The following HEG1 variants were observed in gnomAD, a reference collection of about 807,000 sequenced individuals.
The protein encoded by HEG1 is heart development protein with EGF like domains 1, also known as protein HEG homolog 1.
HEG1 carries 56 observed loss-of-function variants against 125.6 expected under a neutral mutation model. That is an observed-to-expected ratio of 0.45 (90% CI 0.36 to 0.56). HEG1 has a LOEUF of 0.56. Among genes scored for constraint, HEG1 ranks in the 20% least tolerant of loss-of-function variants. HEG1 has a pLI of 0.00. For synonymous variants in HEG1, 644 were observed against 668.5 expected, an observed-to-expected ratio of 0.96 and a Z score of 0.57; for missense variants, 1,523 against 1,670.0, an observed-to-expected ratio of 0.91 and a Z score of 1.53.
intron 3 of HEG1, among the ~76,000 whole-genome samples, chr3:125,023,232 A>G (rs920579983): frequency 2.9e-4 from 33 of 113,286 alleles, no homozygotes; most frequent in South Asian, 6.6e-4. Context: ...AACAAAACAA[A>G]CAAACCAAAA....
intron 3 of HEG1, among the ~76,000 whole-genome samples, chr3:125,023,238 C>A (rs749880391): frequency 8.6e-5 from 13 of 151,586 alleles, no homozygotes; most frequent in South Asian, 4.2e-4. Flanking sequence ...ACAAACAAAC[C>A]AAAAAAACTC....
intron 11 of HEG1, among the ~76,000 whole-genome samples, chr3:125,001,234 C>CT (rs200974260): frequency 4.8e-4 from 69 of 144,498 alleles, no homozygotes; most frequent in East Asian, 3.2e-3. Context: ...ACTGCACATG[C>CT]TTTTTTTTTT....
intron 8 of HEG1, among the ~76,000 whole-genome samples, chr3:125,006,975 G>A (rs1279545590): frequency 9.9e-5 from 15 of 151,880 alleles, no homozygotes; most frequent in African/African-American, 3.4e-4. Flanking sequence ...CGAGGCGGGC[G>A]GATCACGAGG....
chr3:124,968,394 T>C lies in HEG1; in HGVS notation c.*2258A>G, dbSNP rs1936357124. The C allele has an allele frequency of 6.6e-6, 1 of 152,248 alleles. No homozygotes were observed. The highest frequency in any genetic ancestry group is 2.4e-5 in the African/African-American group (1 of 41,414). The allele number at this position is 152,248 out of a possible 1,614,324, so 9.4% of individuals were successfully genotyped here. ...TGTGGAGACTGTGTGACCTCAACCT[T>C]GTGGGTGCCTCCTTTTTTTCTCAGT... On this transcript the variant is annotated 3_prime_UTR_variant, in exon 17 of 17. Coordinates refer to ENST00000311127, the MANE Select transcript of HEG1 (RefSeq NM_020733.2).
rs200701357 is a variant in HEG1 at position 124,984,776 on chromosome 3, CA to C, written c.3733+6010del. On this transcript the variant is annotated intron_variant, in intron 14 of 16. Transcript: ENST00000311127. ...CTCCGTCTCAAAAAAAACCAAAAAACAAAAAAACAACCAAAAAACAAAACAA... is the reference window on the plus strand; with the variant it reads ...CTCCGTCTCAAAAAAAACCAAAAAACAAAAAACAACCAAAAAACAAAACAA... Among the ~76,000 whole-genome samples, 80 of 151,542 alleles carry C rather than the reference CA, an allele frequency of 5.3e-4. 1 individual carries two copies. In the South Asian group the frequency reaches 0.017, roughly 31 times the overall value.
intron 1 of HEG1, among the ~76,000 whole-genome samples, chr3:125,038,753 G>A (rs1388070724): frequency 1.3e-5 from 2 of 152,140 alleles, no homozygotes; most frequent in African/African-American, 4.8e-5. Flanking sequence ...GCCACATGGA[G>A]GGCGAGGTGT....
At chr3:124,996,017 A>T (rs1936915888) in intron 12 of HEG1, among the ~76,000 whole-genome samples, 1 of 152,138 alleles carries the variant, frequency 6.6e-6, no homozygotes, top group African/African-American at 2.4e-5. Context: ...CCCTGTCAGC[A>T]GCACAGCGCC....
intron 1 of HEG1, among the ~76,000 whole-genome samples, chr3:125,042,891 T>C (rs1937606720): frequency 6.6e-6 from 1 of 152,224 alleles, no homozygotes; most frequent in Non-Finnish European, 1.5e-5. Flanking sequence ...GCGAGGCCAC[T>C]CTGGGCTGTG....
chr3:125,028,656 T>C (rs1937451454), intron 2 of HEG1, among the ~76,000 whole-genome samples: 1 of 152,206 alleles, frequency 6.6e-6, no homozygotes, highest in Admixed American at 6.5e-5. Flanking sequence ...TAACATGATC[T>C]CATAGGCTTG....
At chr3:124,987,952 C>CACACATATATATATAT in intron 14 of HEG1, among the ~76,000 whole-genome samples, 3 of 54,662 alleles carry the variant, frequency 5.5e-5, no homozygotes, top group Non-Finnish European at 1.4e-4. Flanking sequence ...CACACACACA[C>CACACATATATATATAT]ATATATATAT....
intron 1 of HEG1, among the ~76,000 whole-genome samples, chr3:125,051,227 A>T (rs938339652): frequency 2.0e-5 from 3 of 152,214 alleles, no homozygotes. Context: ...TTTTTAAAAA[A>T]TTTTTACTCA....
At chr3:124,978,500 T>C (rs1936587840) in intron 14 of HEG1, among the ~76,000 whole-genome samples, 1 of 152,124 alleles carries the variant, frequency 6.6e-6, no homozygotes, top group African/African-American at 2.4e-5. Context: ...AACTTTTACC[T>C]GTGCACCAGC....
chr3:125,034,375 G>A (rs1272278572), intron 1 of HEG1, among the ~76,000 whole-genome samples: 2 of 152,062 alleles, frequency 1.3e-5, no homozygotes, highest in Non-Finnish European at 2.9e-5. Flanking sequence ...TTTTTAAAAA[G>A]AGACTATAAA....
At chr3:125,007,747 A>G (rs4078335) in intron 8 of HEG1, among the ~76,000 whole-genome samples, 104,251 of 151,996 alleles carry the variant, frequency 0.69, 35,775 homozygotes, top group Middle Eastern at 0.77. Context: ...CCCTGGAGCT[A>G]GAAGCAAATC....
In HEG1 at chr3:125,029,218, A is replaced by G. The variant is rs771375889; in HGVS notation, c.587T>C (p.Leu196Pro). 14 of 1,612,772 alleles carry G rather than the reference A, an allele frequency of 8.7e-6. No homozygotes were observed. Among genetic ancestry groups the G allele is most frequent in the Non-Finnish European group, 1.2e-5 (14 of 1,179,524 alleles). ...VGYSLEIATA[L>P]TSQSGNLASE... is the part of the protein sequence containing the mutation. ...ACCTAAGTTGCCACTCTGGGAAGTC[A>G]GAGCTGTTGCTATCTCCAGTGAGTA... Residue 196 changes from leucine to proline, a missense_variant, in exon 2 of 17, where the codon CTG becomes CCG. Leu to Pro is a moderately conservative substitution (Grantham distance 98). Transcript: ENST00000311127.
intron 11 of HEG1, 139 bp from the exon 12 acceptor site, chr3:124,997,962 CCA>C: frequency 1.1e-6 from 1 of 943,510 alleles, no homozygotes; most frequent in Non-Finnish European, 1.5e-6. Flanking sequence ...CGAAAAGTCT[CCA>C]CAGAGCAACA....
Position 125,019,652 on chromosome 3 carries a change from T to C in HEG1, c.1253-55A>G, listed in dbSNP as rs1937307597. ...TTACATAGGTATGAAAGAGATCCCT[T>C]GGCAACTAAGAAGTGAGACCTCTCT... On this transcript the variant is annotated intron_variant, in intron 4 of 16. Transcript: ENST00000311127. The C allele has an allele frequency of 2.1e-6, 3 of 1,432,908 alleles. No individual in the cohort carries two copies. In the Admixed American group the frequency reaches 5.9e-5, roughly 28 times the overall value. 88.8% of individuals were successfully genotyped at this position (1,432,908 alleles called of 1,614,324 possible).
chr3:125,049,804 C>T (rs1202725187), intron 1 of HEG1, among the ~76,000 whole-genome samples: 2 of 152,144 alleles, frequency 1.3e-5, no homozygotes, highest in Non-Finnish European at 2.9e-5. Context: ...AACTACGGGG[C>T]TGTAGTGAGG....
In HEG1 at chr3:124,990,775, T is replaced by C; in HGVS notation, c.3733+12A>G. The stretch of plus-strand genomic sequence containing the variant: ...CCTGCCCACGCATAATGGTCCACTT[T>C]TGTACACTTACGGTTTCCACAGTTG... On this transcript the variant is annotated intron_variant, in intron 14 of 16. Coordinates refer to ENST00000311127, the MANE Select transcript of HEG1 (RefSeq NM_020733.2). 6.4e-7 allele frequency: 1 copy of C among 1,558,154 alleles called. No homozygotes were observed. Among genetic ancestry groups the C allele is most frequent in the East Asian group, 2.4e-5 (1 of 41,716 alleles).
Sources: allele counts gnomAD v4.1 joint callset (sites outside exome capture counted in the v4.1 genomes callset), GRCh38; gene constraint gnomAD v4.1.1; transcripts MANE v1.5; gene names NCBI Gene and HGNC (gene_info 2026-07-23, HGNC 2026-07-21).